The following ADCY8 variants were observed in gnomAD, a reference collection of about 807,000 sequenced individuals.
ADCY8 encodes the protein adenylate cyclase type 8.
ADCY8 carries 51 observed loss-of-function variants against 119.7 expected under a neutral mutation model. The observed-to-expected ratio is 0.43, with a 90% CI of 0.34 to 0.54. The LOEUF (loss-of-function observed/expected upper bound fraction) is 0.54, where lower values mean the gene tolerates loss of function less well. ADCY8 is among the 20% of genes least tolerant of loss of function. The pLI, the probability that ADCY8 is intolerant of heterozygous loss-of-function variation, is 0.03. For synonymous variants in ADCY8, 665 were observed against 651.0 expected, an observed-to-expected ratio of 1.02 and a Z score of -0.33; for missense variants, 1,383 against 1,598.8, an observed-to-expected ratio of 0.87 and a Z score of 2.30.
intron 8 of ADCY8, among the ~76,000 whole-genome samples, chr8:130,869,526 G>GTT (rs1275593013): frequency 2.4e-4 from 28 of 114,580 alleles, no homozygotes; most frequent in African/African-American, 6.6e-4. Context: ...TTGTTTTTTT[G>GTT]TTTTTTTTTG....
intron 1 of ADCY8, among the ~76,000 whole-genome samples, chr8:131,007,068 T>C (rs1008063726): frequency 2.0e-5 from 2 of 101,644 alleles, no homozygotes; most frequent in Non-Finnish European, 3.8e-5. Flanking sequence ...CAATAATGAA[T>C]GAATGTTTTT....
chr8:130,895,405 A>T (rs1819352955), intron 7 of ADCY8, among the ~76,000 whole-genome samples: 1 of 152,152 alleles, frequency 6.6e-6, no homozygotes, highest in African/African-American at 2.4e-5. Context: ...CATAAGCCTC[A>T]GTCCTATCTC....
chr8:130,974,679 A>C (rs1822018840), intron 2 of ADCY8, among the ~76,000 whole-genome samples: 1 of 152,180 alleles, frequency 6.6e-6, no homozygotes, highest in African/African-American at 2.4e-5. Flanking sequence ...TCCTTCCTGA[A>C]TAGGTGAGGC....
intron 5 of ADCY8, among the ~76,000 whole-genome samples, chr8:130,930,670 TCACA>T (rs140188400): frequency 2.0e-5 from 3 of 151,970 alleles, no homozygotes; most frequent in South Asian, 2.1e-4. Context: ...TTAACTTTGG[TCACA>T]CACACACACC....
chr8:130,855,099 G>GTCTC (rs374605470), intron 9 of ADCY8, among the ~76,000 whole-genome samples: 66 of 146,392 alleles, frequency 4.5e-4, no homozygotes, highest in African/African-American at 1.6e-3. Context: ...GGTAAGCACT[G>GTCTC]TCTCTCTCTC....
chr8:130,970,857 GT>G (rs1184807456), intron 2 of ADCY8, among the ~76,000 whole-genome samples: 1 of 152,212 alleles, frequency 6.6e-6, no homozygotes, highest in African/African-American at 2.4e-5. Context: ...TATTCTGAGT[GT>G]CCAATGAGAA....
At chr8:130,954,915 A>G (rs544866104) in intron 2 of ADCY8, among the ~76,000 whole-genome samples, 1 of 152,322 alleles carries the variant, frequency 6.6e-6, no homozygotes, top group East Asian at 1.9e-4. Flanking sequence ...AAAGCCTCCG[A>G]GGAGGAAAGA....
chr8:130,877,646 G>C (rs1416783616), intron 8 of ADCY8, among the ~76,000 whole-genome samples: 1 of 152,168 alleles, frequency 6.6e-6, no homozygotes, highest in Non-Finnish European at 1.5e-5. Flanking sequence ...CATGGCCTTT[G>C]GGAATGATAA....
At chr8:130,882,247 G>A (rs1253607010) in intron 8 of ADCY8, among the ~76,000 whole-genome samples, 1 of 151,592 alleles carries the variant, frequency 6.6e-6, no homozygotes, top group Non-Finnish European at 1.5e-5. Flanking sequence ...TTAACCTCTT[G>A]GAGGTTCAGT....
intron 4 of ADCY8, among the ~76,000 whole-genome samples, chr8:130,941,010 T>C (rs1019936166): frequency 1.3e-5 from 2 of 152,242 alleles, no homozygotes; most frequent in African/African-American, 4.8e-5. Context: ...TGTATAACTT[T>C]AATAAGCAGA....
At chr8:130,966,780 A>G (rs1054381341) in intron 2 of ADCY8, among the ~76,000 whole-genome samples, 4 of 152,218 alleles carry the variant, frequency 2.6e-5, no homozygotes, top group Non-Finnish European at 5.9e-5. Flanking sequence ...TGCAGATGAT[A>G]ATAATAACAT....
chr8:130,780,359 TACAAAAAAAAAAAAC>T lies in ADCY8; in HGVS notation c.*16_*30del. ...ATATTTATTTTATATATAAAAGAAA[TACAAAAAAAAAAAAC>T]AGAAAGAAAATGCTTTTATGGCAAA... On this transcript the variant is annotated 3_prime_UTR_variant, in exon 18 of 18. Transcript: ENST00000286355. 5.3e-6 allele frequency: 3 copies of T among 570,160 alleles called. No homozygotes were observed. The highest frequency in any genetic ancestry group is 7.3e-6 in the Non-Finnish European group (3 of 410,736). 35.3% of individuals were successfully genotyped at this position (570,160 alleles called of 1,614,324 possible). A position where few individuals can be genotyped will look rare whatever the true frequency, so the allele number is the denominator to read the frequency against.
chr8:130,900,517 C>G (rs2130516633), intron 7 of ADCY8, among the ~76,000 whole-genome samples: 1 of 152,290 alleles, frequency 6.6e-6, no homozygotes, highest in Admixed American at 6.5e-5. Flanking sequence ...CAATCCAGTT[C>G]CAATAGGCAG....
At position 130,787,744 on chromosome 8, in the gene ADCY8, GTT is replaced by G. The variant is rs1472505885; in HGVS notation, c.3061-2271_3061-2270del. ...TGCATTTGCATGTGTGCATGTGTGT[GTT>G]GTTTTCATGCCTGTGTCCACATGTA... On this transcript the variant is annotated intron_variant, in intron 15 of 17. Coordinates refer to ENST00000286355, the MANE Select transcript of ADCY8 (RefSeq NM_001115.3). Among the ~76,000 whole-genome samples, 1,063 of 148,566 alleles carry G rather than the reference GTT, an allele frequency of 7.2e-3. 12 individuals carry two copies. Among genetic ancestry groups the G allele is most frequent in the African/African-American group, 0.027 (1,011 of 38,078 alleles).
At chr8:130,924,622 T>G (rs1166029644) in intron 5 of ADCY8, among the ~76,000 whole-genome samples, 1 of 152,164 alleles carries the variant, frequency 6.6e-6, no homozygotes, top group Non-Finnish European at 1.5e-5. Context: ...CCATCCCTAC[T>G]GGATGCAATA....
rs887778523 is a variant in ADCY8, at chr8:130,937,319, T to A, written c.1354-119A>T. 2.0e-5 allele frequency: 21 copies of A among 1,041,512 alleles called. No homozygotes were observed. In the African/African-American group the frequency reaches 3.1e-4, roughly 15 times the overall value. The allele number at this position is 1,041,512 out of a possible 1,614,324, so 64.5% of individuals were successfully genotyped here. A position where few individuals can be genotyped will look rare whatever the true frequency, so the allele number is the denominator to read the frequency against. On this transcript the variant is annotated intron_variant, in intron 4 of 17. Coordinates refer to ENST00000286355, the MANE Select transcript of ADCY8 (RefSeq NM_001115.3). ...TCTGCAACTTGGGGTAAGGAGAACCTACCTTTGAAATATACTTCTACCTGT... is the reference window on the plus strand; with the variant it reads ...TCTGCAACTTGGGGTAAGGAGAACCAACCTTTGAAATATACTTCTACCTGT...
At chr8:131,034,679 TTTGA>T (rs1824095941) in intron 1 of ADCY8, among the ~76,000 whole-genome samples, 1 of 151,968 alleles carries the variant, frequency 6.6e-6, no homozygotes, top group African/African-American at 2.4e-5. Flanking sequence ...TCTGACTGCC[TTTGA>T]TTGTACAGTT....
chr8:130,961,655 G>C (rs1481484099), intron 2 of ADCY8, among the ~76,000 whole-genome samples: 1 of 152,088 alleles, frequency 6.6e-6, no homozygotes, highest in African/African-American at 2.4e-5. Context: ...TTAGTTGTCT[G>C]GTTCCCCTAA....
At chr8:130,959,757 G>A (rs1006577318) in intron 2 of ADCY8, among the ~76,000 whole-genome samples, 3 of 152,188 alleles carry the variant, frequency 2.0e-5, no homozygotes, top group African/African-American at 7.2e-5. Context: ...TAACAGAAGA[G>A]AGCAGTATGT....
Sources: gnomAD v4.1 joint callset for allele counts (sites outside exome capture counted in the v4.1 genomes callset) on GRCh38, gnomAD v4.1.1 for gene constraint, MANE v1.5 for transcripts, NCBI Gene and HGNC (gene_info 2026-07-23, HGNC 2026-07-21) for gene names.